The following FHIT variants were observed in gnomAD, a reference collection of about 807,000 sequenced individuals.
FHIT encodes fragile histidine triad diadenosine triphosphatase.
FHIT carries 19 observed loss-of-function variants against 17.9 expected under a neutral mutation model. The ratio of observed to expected loss-of-function variants is 1.06; its 90% CI spans 0.74 to 1.56. The LOEUF is 1.56. Among genes scored for constraint, FHIT ranks in the 40% most tolerant of loss-of-function variants. The pLI is 0.00. For missense variants in FHIT, 248 were observed against 189.2 expected, an observed-to-expected ratio of 1.31 and a Z score of -1.82; for synonymous variants, 81 against 69.7, an observed-to-expected ratio of 1.16 and a Z score of -0.81.
At chr3:60,081,619 T>C (rs749442955) in intron 5 of FHIT, among the ~76,000 whole-genome samples, 2 of 152,174 alleles carry the variant, frequency 1.3e-5, no homozygotes, top group Non-Finnish European at 2.9e-5. Context: ...TCCAAAACTA[T>C]ATGCTGCTTA....
intron 4 of FHIT, among the ~76,000 whole-genome samples, chr3:60,718,049 A>T (rs934324488): frequency 4.6e-5 from 7 of 152,204 alleles, no homozygotes; most frequent in African/African-American, 1.7e-4. Context: ...TTCTGTCAGT[A>T]TGGTATTGGA....
chr3:59,999,172 C>T (rs1429321477), intron 7 of FHIT, among the ~76,000 whole-genome samples: 1 of 152,036 alleles, frequency 6.6e-6, no homozygotes, highest in Non-Finnish European at 1.5e-5. Flanking sequence ...CTTAGCACTC[C>T]CTCCCTGGGA....
chr3:60,511,991 A>G (rs1371211350), intron 5 of FHIT, among the ~76,000 whole-genome samples: 1 of 152,198 alleles, frequency 6.6e-6, no homozygotes, highest in Non-Finnish European at 1.5e-5. Flanking sequence ...GGCTAAAAAA[A>G]TTGAGGAGAG....
In FHIT at chr3:60,121,895, A is replaced by T. The variant is rs1705273999; in HGVS notation, c.104-107743T>A. On this transcript the variant is annotated intron_variant, in intron 5 of 9. Coordinates refer to ENST00000492590, the MANE Select transcript of FHIT (RefSeq NM_002012.4). Reference sequence around the variant, plus strand: ...CCTCTAATTCTATGAGACATTTCACAATGTTGTATCTACAGTCAACTAAGA... The same window carrying T: ...CCTCTAATTCTATGAGACATTTCACTATGTTGTATCTACAGTCAACTAAGA... 2.0e-5 allele frequency among the ~76,000 whole-genome samples: 3 copies of T among 152,054 alleles called. No homozygotes were observed. In the South Asian group the frequency reaches 6.2e-4, roughly 32 times the overall value.
At chr3:60,778,746 A>C (rs1553725069) in intron 4 of FHIT, among the ~76,000 whole-genome samples, 1 of 152,186 alleles carries the variant, frequency 6.6e-6, no homozygotes, top group Non-Finnish European at 1.5e-5. Flanking sequence ...TTTCTTTTGC[A>C]GCAGGACACA....
At chr3:60,508,813 A>G (rs535728692) in intron 5 of FHIT, among the ~76,000 whole-genome samples, 61 of 152,278 alleles carry the variant, frequency 4.0e-4, no homozygotes, top group African/African-American at 1.4e-3. Context: ...TACTTATGGC[A>G]TCACAGCTTA....
intron 4 of FHIT, among the ~76,000 whole-genome samples, chr3:60,687,213 A>G (rs377017868): frequency 1.5e-4 from 22 of 151,238 alleles, no homozygotes; most frequent in Non-Finnish European, 2.1e-4. Context: ...TATTTAACAG[A>G]AAAAAAAGGA....
intron 2 of FHIT, among the ~76,000 whole-genome samples, chr3:61,043,357 C>G (rs1369177027): frequency 6.6e-6 from 1 of 152,156 alleles, no homozygotes; most frequent in Non-Finnish European, 1.5e-5. Flanking sequence ...GTCCCACGCC[C>G]ACGGAGCCTT....
At chr3:60,280,891 T>A (rs1707396680) in intron 5 of FHIT, among the ~76,000 whole-genome samples, 1 of 150,986 alleles carries the variant, frequency 6.6e-6, no homozygotes. Context: ...AAGAAGAAAA[T>A]AAAACTGTTT....
At position 59,881,384 on chromosome 3, in the gene FHIT, CAAAG is replaced by C. The variant is rs1446614435; in HGVS notation, c.348+40958_348+40961del. ...GAATAAAAATGTCTTTTAAGAGACA[CAAAG>C]GAAGGGGGTACGGGCAATAGCTCAT... On this transcript the variant is annotated intron_variant, in intron 8 of 9. Transcript: ENST00000492590. Among the ~76,000 whole-genome samples the C allele has an allele frequency of 2.0e-5, 3 of 152,052 alleles. No homozygotes were observed. In the South Asian group the frequency reaches 6.2e-4, roughly 32 times the overall value.
intron 4 of FHIT, among the ~76,000 whole-genome samples, chr3:60,590,321 A>G (rs1294397845): frequency 1.3e-5 from 2 of 152,066 alleles, no homozygotes; most frequent in Admixed American, 6.6e-5. Context: ...CAAAATTCAT[A>G]CTACAAATGC....
chr3:60,315,842 C>T (rs574579854), intron 5 of FHIT, among the ~76,000 whole-genome samples: 2 of 152,280 alleles, frequency 1.3e-5, no homozygotes, highest in African/African-American at 4.8e-5. Flanking sequence ...CAGGGCAGTG[C>T]ACTCATTTGG....
At chr3:60,085,589 C>A (rs922258858) in intron 5 of FHIT, among the ~76,000 whole-genome samples, 26 of 152,266 alleles carry the variant, frequency 1.7e-4, no homozygotes, top group Middle Eastern at 3.4e-3. Context: ...CAGTTTGCTA[C>A]AAGTTGAATG....
At chr3:60,727,187 C>T (rs1214820305) in intron 4 of FHIT, among the ~76,000 whole-genome samples, 1 of 152,036 alleles carries the variant, frequency 6.6e-6, no homozygotes, top group Non-Finnish European at 1.5e-5. Flanking sequence ...TCTACCCATA[C>T]CGAGAAAGAC....
At chr3:60,189,405 T>A (rs1005539646) in intron 5 of FHIT, among the ~76,000 whole-genome samples, 3 of 152,216 alleles carry the variant, frequency 2.0e-5, no homozygotes, top group Non-Finnish European at 4.4e-5. Context: ...AATTTGAGTA[T>A]CATTTACTGA....
chr3:60,875,471 T>C (rs1195730896), intron 3 of FHIT, among the ~76,000 whole-genome samples: 3 of 152,186 alleles, frequency 2.0e-5, no homozygotes, highest in Non-Finnish European at 4.4e-5. Context: ...TTCTGCCCTC[T>C]GCCACAGTGC....
At chr3:60,142,541 C>G (rs1239453833) in intron 5 of FHIT, among the ~76,000 whole-genome samples, 1 of 152,024 alleles carries the variant, frequency 6.6e-6, no homozygotes, top group African/African-American at 2.4e-5. Flanking sequence ...GTCTGTTGTC[C>G]AGGCTGCAGT....
At chr3:61,031,740 T>C (rs1419011801) in intron 3 of FHIT, among the ~76,000 whole-genome samples, 1 of 152,208 alleles carries the variant, frequency 6.6e-6, no homozygotes. Flanking sequence ...AATGCCATCA[T>C]CAGCTTCAAG....
At chr3:60,536,533 C>T (rs1007834208) in intron 5 of FHIT, 26 of 224,760 alleles carry the variant, frequency 1.2e-4, no homozygotes, top group African/African-American at 5.0e-4. Context: ...CCGTGATATT[C>T]ACTGGGCTCA....
Sources: allele counts gnomAD v4.1 joint callset (sites outside exome capture counted in the v4.1 genomes callset), GRCh38; gene constraint gnomAD v4.1.1; transcripts MANE v1.5; gene names NCBI Gene and HGNC (gene_info 2026-07-23, HGNC 2026-07-21).